Variants in KCNQ5 observed in about 807,000 individuals in gnomAD.
KCNQ5 encodes the protein potassium voltage-gated channel subfamily Q member 5.
In KCNQ5, 30 loss-of-function variants were observed where a neutral mutation model predicts 98.2. That is an observed-to-expected ratio of 0.31 (90% confidence interval 0.23 to 0.41). The LOEUF (loss-of-function observed/expected upper bound fraction) is 0.41, where lower values mean the gene tolerates loss of function less well. Ranked by LOEUF, KCNQ5 falls within the 10% of genes least tolerant of loss-of-function variation. The pLI, the probability that KCNQ5 is intolerant of heterozygous loss-of-function variation, is 1.00. For synonymous variants in KCNQ5, 458 were observed against 449.4 expected, an observed-to-expected ratio of 1.02 and a Z score of -0.24; for missense variants, 835 against 1,182.5, an observed-to-expected ratio of 0.71 and a Z score of 4.31.
intron 1 of KCNQ5, among the ~76,000 whole-genome samples, chr6:72,657,601 G>GT (rs1280385054): frequency 2.6e-5 from 4 of 152,216 alleles, no homozygotes; most frequent in African/African-American, 9.6e-5. Context: ...ACCTGCAGTG[G>GT]TTCCTGGGAG....
At chr6:72,699,984 A>C (rs1325760257) in intron 1 of KCNQ5, among the ~76,000 whole-genome samples, 2 of 152,202 alleles carry the variant, frequency 1.3e-5, no homozygotes, top group Non-Finnish European at 2.9e-5. Flanking sequence ...TAAGGATAAG[A>C]ACTAGACCCA....
chr6:72,856,970 G>A (rs1231155723), intron 1 of KCNQ5, among the ~76,000 whole-genome samples: 1 of 152,174 alleles, frequency 6.6e-6, no homozygotes, highest in African/African-American at 2.4e-5. Context: ...GCAGAACAAA[G>A]AAGTACATAT....
intron 1 of KCNQ5, among the ~76,000 whole-genome samples, chr6:72,787,700 C>A (rs962656422): frequency 2.6e-5 from 4 of 152,224 alleles, no homozygotes; most frequent in Non-Finnish European, 5.9e-5. Flanking sequence ...CCACTTGAGT[C>A]AGCATGCCAA....
intron 10 of KCNQ5, among the ~76,000 whole-genome samples, chr6:73,159,414 A>C (rs567597259): frequency 6.6e-6 from 1 of 152,318 alleles, no homozygotes; most frequent in South Asian, 2.1e-4. Flanking sequence ...GGGTGATTAA[A>C]TAATCTGTAC....
Position 72,652,943 on chromosome 6 carries a change from C to T in KCNQ5, c.398+30356C>T, listed in dbSNP as rs138064881. The stretch of plus-strand genomic sequence containing the variant: ...GAATTTATATATACGTATATAAAGC[C>T]GTGCACCCAAATGCTGTTTACAGCA... On this transcript the variant is annotated intron_variant, in intron 1 of 13. Transcript: ENST00000370398. Among the ~76,000 whole-genome samples the T allele has an allele frequency of 2.0e-3, 307 of 152,134 alleles. 1 individual carries two copies. The highest frequency in any genetic ancestry group is 5.4e-3 in the South Asian group (26 of 4,824).
rs141137572 is a variant in KCNQ5 at position 73,107,582 on chromosome 6, T to A, written c.1029+2215T>A. ...CAATTAGTGTTAGGGTCAACAAACCTCTGGAAGTTGGCTGCACCCAGCACA... is the reference window on the plus strand; with the variant it reads ...CAATTAGTGTTAGGGTCAACAAACCACTGGAAGTTGGCTGCACCCAGCACA... On this transcript the variant is annotated intron_variant, in intron 6 of 13. Coordinates refer to ENST00000370398, the MANE Select transcript of KCNQ5 (RefSeq NM_019842.4). 2.6e-3 allele frequency among the ~76,000 whole-genome samples: 399 copies of A among 152,236 alleles called. 2 individuals carry two copies. The highest frequency in any genetic ancestry group is 9.3e-3 in the African/African-American group (386 of 41,536).
intron 1 of KCNQ5, among the ~76,000 whole-genome samples, chr6:72,629,584 C>A (rs887996680): frequency 3.9e-5 from 6 of 152,260 alleles, no homozygotes; most frequent in Admixed American, 6.5e-5. Flanking sequence ...AGAAAGATAG[C>A]CAGCAGCCTT....
chr6:72,852,821 A>C (rs1328179187), intron 1 of KCNQ5, among the ~76,000 whole-genome samples: 1 of 151,394 alleles, frequency 6.6e-6, no homozygotes, highest in Admixed American at 6.6e-5. Flanking sequence ...AAAAACAATA[A>C]ATACTCCAGA....
At chr6:72,635,674 T>G (rs2098923649) in intron 1 of KCNQ5, among the ~76,000 whole-genome samples, 1 of 148,088 alleles carries the variant, frequency 6.8e-6, no homozygotes, top group Admixed American at 6.7e-5. Flanking sequence ...CTCCTAGTTT[T>G]TTTTTTTTTT....
intron 1 of KCNQ5, among the ~76,000 whole-genome samples, chr6:72,901,057 A>G (rs1779483221): frequency 4.0e-5 from 6 of 151,780 alleles, no homozygotes; most frequent in Admixed American, 3.9e-4. Flanking sequence ...TACGTGTGCC[A>G]TGTTGGTGTG....
intron 1 of KCNQ5, among the ~76,000 whole-genome samples, chr6:72,872,423 C>G (rs1451945737): frequency 6.6e-6 from 1 of 152,112 alleles, no homozygotes; most frequent in Non-Finnish European, 1.5e-5. Context: ...TCTTGTGAGT[C>G]TCAGCAAAAA....
intron 1 of KCNQ5, among the ~76,000 whole-genome samples, chr6:72,984,445 C>A (rs116086801): frequency 7.7e-4 from 117 of 152,266 alleles, no homozygotes; most frequent in African/African-American, 2.7e-3. Context: ...GCCAGGCTGC[C>A]GCCTCACAGT....
At chr6:73,104,983 T>C (rs1421621200) in intron 5 of KCNQ5, among the ~76,000 whole-genome samples, 1 of 152,230 alleles carries the variant, frequency 6.6e-6, no homozygotes, top group African/African-American at 2.4e-5. Context: ...GTATCACTGA[T>C]GGTTATCCAC....
chr6:72,931,414 T>C (rs1446911968), intron 1 of KCNQ5, among the ~76,000 whole-genome samples: 1 of 152,116 alleles, frequency 6.6e-6, no homozygotes, highest in Non-Finnish European at 1.5e-5. Context: ...TGATGGTGGG[T>C]TGAACACATA....
chr6:72,911,976 G>C (rs1375511139), intron 1 of KCNQ5, among the ~76,000 whole-genome samples: 1 of 151,986 alleles, frequency 6.6e-6, no homozygotes, highest in Non-Finnish European at 1.5e-5. Context: ...TTCCCCTTTG[G>C]CAGTGCACAT....
chr6:72,637,988 A>G (rs2098925179), intron 1 of KCNQ5, among the ~76,000 whole-genome samples: 1 of 152,340 alleles, frequency 6.6e-6, no homozygotes, highest in South Asian at 2.1e-4. Context: ...AAACAAAATG[A>G]GATGGGTTAG....
intron 1 of KCNQ5, among the ~76,000 whole-genome samples, chr6:72,974,123 G>A (rs958213519): frequency 7.2e-5 from 11 of 152,190 alleles, no homozygotes; most frequent in African/African-American, 1.9e-4. Flanking sequence ...CTAAACCGAG[G>A]GTTAGTAACC....
intron 2 of KCNQ5, among the ~76,000 whole-genome samples, chr6:73,025,450 C>T (rs1394247251): frequency 6.6e-6 from 1 of 151,892 alleles, no homozygotes; most frequent in Non-Finnish European, 1.5e-5. Context: ...GGCGAAACCC[C>T]ATCTCTACTA....
chr6:72,939,362 G>A (rs1400099941), intron 1 of KCNQ5, among the ~76,000 whole-genome samples: 1 of 152,180 alleles, frequency 6.6e-6, no homozygotes. Flanking sequence ...CAGCCCATGC[G>A]TTCTTTCTCC....
Sources: allele counts gnomAD v4.1 joint callset (sites outside exome capture counted in the v4.1 genomes callset), GRCh38; gene constraint gnomAD v4.1.1; transcripts MANE v1.5; gene names NCBI Gene and HGNC (gene_info 2026-07-23, HGNC 2026-07-21).